Variants in MED12L observed in about 807,000 individuals in gnomAD.
The protein encoded by MED12L is mediator complex subunit 12L.
A neutral mutation model predicts 281.3 loss-of-function variants in MED12L; 60 were observed. That is an observed-to-expected ratio of 0.21 (90% CI 0.17 to 0.26). The LOEUF is 0.26. Among genes scored for constraint, MED12L ranks in the 10% least tolerant of loss-of-function variants. The probability of loss-of-function intolerance (pLI) is 1.00; values close to 1 mark genes in which losing one functional copy is unlikely to be tolerated. For synonymous variants in MED12L, 974 were observed against 987.2 expected (o/e 0.99, Z 0.25); for missense variants, 2,146 against 2,680.9 (o/e 0.80, Z 4.41).
rs993551035 is a variant in MED12L, at chr3:151,387,730, A to G, written c.5089-80A>G. The stretch of plus-strand genomic sequence containing the variant: ...CTCATGCCAGCCAAAGTGTTCTCTG[A>G]CTCCATGTCCCATACAAGCCTGGCC... On this transcript the variant is annotated intron_variant, in intron 36 of 44. Coordinates refer to ENST00000687756, the MANE Select transcript of MED12L (RefSeq NM_001393769.1). 6.0e-6 allele frequency: 9 copies of G among 1,496,168 alleles called. No homozygotes were observed. In the East Asian group the frequency reaches 9.1e-5, roughly 15 times the overall value. 92.7% of individuals were successfully genotyped at this position (1,496,168 alleles called of 1,614,324 possible). A position where few individuals can be genotyped will look rare whatever the true frequency, so the allele number is the denominator to read the frequency against.
intron 16 of MED12L, chr3:151,213,303 C>T (rs373092950): frequency 2.5e-6 from 4 of 1,597,454 alleles, no homozygotes; most frequent in Non-Finnish European, 3.4e-6. Context: ...TAGGAACTCA[C>T]AAAGTATCTG....
intron 16 of MED12L, among the ~76,000 whole-genome samples, chr3:151,315,047 G>T (rs780387251): frequency 1.3e-5 from 2 of 152,144 alleles, no homozygotes; most frequent in African/African-American, 2.4e-5. Context: ...ACTTTACGTA[G>T]ATTTCACCTC....
intron 16 of MED12L, among the ~76,000 whole-genome samples, chr3:151,349,053 A>C (rs1234275369): frequency 6.6e-6 from 1 of 152,236 alleles, no homozygotes; most frequent in Non-Finnish European, 1.5e-5. Flanking sequence ...TAAGAAAAGG[A>C]GGTTTACCAA....
intron 19 of MED12L, among the ~76,000 whole-genome samples, 182 bp from the exon 20 acceptor site, chr3:151,357,031 C>T (rs1236420925): frequency 1.3e-5 from 2 of 152,024 alleles, no homozygotes; most frequent in Non-Finnish European, 2.9e-5. Flanking sequence ...TGTATACATC[C>T]TGATGTCTAG....
intron 20 of MED12L, among the ~76,000 whole-genome samples, chr3:151,358,562 TTTTTTTGTTTTTG>T (rs1754218969): frequency 6.6e-6 from 1 of 151,364 alleles, no homozygotes; most frequent in East Asian, 1.9e-4. Flanking sequence ...TTGTGACAAG[TTTTTTTGTTTTTG>T]TTTTTTGTTT....
chr3:151,112,665 G>C (rs1323331289), intron 2 of MED12L, among the ~76,000 whole-genome samples: 3 of 152,110 alleles, frequency 2.0e-5, no homozygotes, highest in East Asian at 3.8e-4. Context: ...AAAAAATATT[G>C]ATATAGGTAA....
Position 151,160,068 on chromosome 3 carries a change from T to A in MED12L, c.1074T>A (p.Gly358=), listed in dbSNP as rs751342894. 1 of 1,612,048 alleles carries A rather than the reference T, an allele frequency of 6.2e-7. No individual in the cohort carries two copies. The highest frequency in any genetic ancestry group is 1.7e-5 in the Admixed American group (1 of 59,712). The stretch of plus-strand genomic sequence containing the variant: ...ATTTTCTTTCCTGTGCACAGCATGG[T>A]CCCCTGGTTTATGGACTTAGTTGTA... ...FSDFLSCAQH[G]PLVYGLSCML... The change falls in exon 8 of 45, where the codon GGT becomes GGA. Residue 358 remains glycine, a synonymous_variant. Transcript: ENST00000687756.
At chr3:151,369,363 G>T in intron 25 of MED12L, 73 bp from the exon 26 acceptor site, 1 of 1,037,810 alleles carries the variant, frequency 9.6e-7, no homozygotes, top group South Asian at 1.7e-5. Context: ...ATGAAAGGCT[G>T]ACTGCCTGTA....
At chr3:151,190,109 T>G (rs1230559593) in intron 13 of MED12L, among the ~76,000 whole-genome samples, 1 of 152,128 alleles carries the variant, frequency 6.6e-6, no homozygotes, top group African/African-American at 2.4e-5. Flanking sequence ...CCTGCTGTCT[T>G]TTTTTCTGAT....
chr3:151,242,161 T>C (rs1364705268), intron 16 of MED12L, among the ~76,000 whole-genome samples: 2 of 152,064 alleles, frequency 1.3e-5, no homozygotes, highest in Non-Finnish European at 2.9e-5. Context: ...CACAGCAGTC[T>C]GAGATCAAAC....
intron 16 of MED12L, among the ~76,000 whole-genome samples, chr3:151,293,306 GACTGTTA>G (rs1163385125): frequency 2.0e-5 from 3 of 152,148 alleles, no homozygotes; most frequent in Non-Finnish European, 4.4e-5. Flanking sequence ...ACGTGTGTTT[GACTGTTA>G]ACCATAACGT....
chr3:151,407,642 A>G (rs1184823569), intron 39 of MED12L, among the ~76,000 whole-genome samples: 2 of 152,182 alleles, frequency 1.3e-5, no homozygotes, highest in Non-Finnish European at 2.9e-5. Context: ...TCACAGAGGA[A>G]GTTTGGGCTA....
intron 16 of MED12L, among the ~76,000 whole-genome samples, chr3:151,260,959 C>G (rs574968512): frequency 1.3e-5 from 2 of 152,164 alleles, no homozygotes; most frequent in South Asian, 4.2e-4. Context: ...AGACTGATTT[C>G]CTTGATGGTG....
At chr3:151,112,164 TA>T (rs1371881682) in intron 2 of MED12L, among the ~76,000 whole-genome samples, 6 of 152,238 alleles carry the variant, frequency 3.9e-5, no homozygotes, top group African/African-American at 1.4e-4. Context: ...AAATTCATGT[TA>T]TGCTCTTCCT....
intron 16 of MED12L, among the ~76,000 whole-genome samples, chr3:151,282,725 G>A (rs1350952093): frequency 1.3e-5 from 2 of 152,216 alleles, no homozygotes; most frequent in Admixed American, 1.3e-4. Context: ...GCCAGCAAAG[G>A]TGGAGGAGCG....
intron 5 of MED12L, among the ~76,000 whole-genome samples, chr3:151,138,139 T>C (rs541647208): frequency 2.0e-5 from 3 of 152,272 alleles, no homozygotes; most frequent in Admixed American, 2.0e-4. Context: ...TCTCCTTACA[T>C]AGTAATTAGC....
chr3:151,271,708 A>G (rs1256535470), intron 16 of MED12L, among the ~76,000 whole-genome samples: 2 of 152,234 alleles, frequency 1.3e-5, no homozygotes, highest in Non-Finnish European at 2.9e-5. Context: ...GGTAAATCTC[A>G]AAACATGCTG....
At chr3:151,288,092 G>A (rs1423311297) in intron 16 of MED12L, among the ~76,000 whole-genome samples, 1 of 152,138 alleles carries the variant, frequency 6.6e-6, no homozygotes, top group Non-Finnish European at 1.5e-5. Context: ...AATGGCTCAG[G>A]AATCCAATCA....
chr3:151,380,153 C>T lies in MED12L; in HGVS notation c.4519C>T (p.Leu1507Phe), dbSNP rs866689687. ...LSQQPFLSLV[L>F]TCLKGQDEQR... ...TCAACAACCCTTCCTCTCACTGGTA[C>T]TTACCTGCCTTAAGGGACAAGATGA... Residue 1507 changes from leucine to phenylalanine, a missense_variant, in exon 32 of 45, where the codon CTT becomes TTT. Coordinates refer to ENST00000687756, the MANE Select transcript of MED12L (RefSeq NM_001393769.1). 1 of 1,608,062 alleles carries T rather than the reference C, an allele frequency of 6.2e-7. No homozygotes were observed. Among genetic ancestry groups the T allele is most frequent in the Non-Finnish European group, 8.5e-7 (1 of 1,178,136 alleles).
Sources: allele counts gnomAD v4.1 joint callset (sites outside exome capture counted in the v4.1 genomes callset), GRCh38; gene constraint gnomAD v4.1.1; transcripts MANE v1.5; gene names NCBI Gene and HGNC (gene_info 2026-07-23, HGNC 2026-07-21).